The following ALKBH6 variants were observed in gnomAD, a reference collection of about 807,000 sequenced individuals.
The protein encoded by ALKBH6 is probable RNA/DNA demethylase ALKBH6.
A neutral mutation model predicts 25.1 loss-of-function variants in ALKBH6; 20 were observed. The ratio of observed to expected loss-of-function variants is 0.80; its 90% CI spans 0.56 to 1.16. The LOEUF (loss-of-function observed/expected upper bound fraction) is 1.16. ALKBH6 is among the 50% of genes most tolerant of loss of function. The probability of loss-of-function intolerance (pLI) is 0.00; values close to 1 mark genes in which losing one functional copy is unlikely to be tolerated. For synonymous variants in ALKBH6, 156 were observed against 147.5 expected, an observed-to-expected ratio of 1.06 and a Z score of -0.42; for missense variants, 263 against 326.5, an observed-to-expected ratio of 0.81 and a Z score of 1.50.
chr19:36,010,878 G>A lies in ALKBH6; in HGVS notation c.336+16C>T, dbSNP rs369899533. The A allele has an allele frequency of 7.4e-5, 120 of 1,613,952 alleles. No individual in the cohort carries two copies. In the African/African-American group the frequency reaches 7.9e-4, roughly 11 times the overall value. On this transcript the variant is annotated intron_variant, in intron 5 of 6. Transcript: ENST00000378875. This position sits in a 1 kb window ranked among gnomAD's most constrained non-coding sequence, Gnocchi z 5.5. ...AAGTCTGAGTGGGGGGACACGGGCC[G>A]AGGGTGTGTGGTTACCATGATGCCC... is the stretch of plus-strand genomic sequence containing the variant.
Position 36,013,463 on chromosome 19 carries a change from C to A in ALKBH6, c.-25-41G>T, listed in dbSNP as rs77390159. On this transcript the variant is annotated intron_variant, in intron 1 of 6. Coordinates refer to ENST00000378875, the MANE Select transcript of ALKBH6 (RefSeq NM_032878.5). The surrounding 1 kb of genome is among the most constrained non-coding windows in gnomAD (Gnocchi z 4.6). ...GACATACTGAAGTCACTAGGCCTCC[C>A]GCCCTAACACCATGATGCAGCATTC... 12 of 1,610,718 alleles carry A rather than the reference C, an allele frequency of 7.5e-6. No individual in the cohort carries two copies. Among genetic ancestry groups the A allele is most frequent in the Non-Finnish European group, 9.3e-6 (11 of 1,178,178 alleles).
Position 36,009,296 on chromosome 19 carries a change from GC to G in ALKBH6, c.710del (p.Gly237AlafsTer22). On this transcript the variant is annotated frameshift_variant, in exon 7 of 7. Coordinates refer to ENST00000378875, the MANE Select transcript of ALKBH6 (RefSeq NM_032878.5). LOFTEE classifies it high-confidence loss of function. The stretch of plus-strand genomic sequence containing the variant: ...GGGGTCCCGGCCCTGGCGGTCACTT[GC>G]CCAGCAGGAGGCCGGCGCGCAGCAC... ...PRVLRAGLLL[G>X]K 2 of 1,354,196 alleles carry G rather than the reference GC, an allele frequency of 1.5e-6. No homozygotes were observed. Among genetic ancestry groups the G allele is most frequent in the Non-Finnish European group, 1.9e-6 (2 of 1,051,918 alleles). The allele number at this position is 1,354,196 out of a possible 1,614,324, so 83.9% of individuals were successfully genotyped here.
At chr19:36,011,090 A>T (rs1485170929) in intron 4 of ALKBH6, 45 bp from the exon 5 acceptor site, 2 of 1,556,340 alleles carry the variant, frequency 1.3e-6, no homozygotes, top group Non-Finnish European at 1.7e-6. Context: ...ATAGCAATAG[A>T]TCCCCCATTA....
In ALKBH6 at chr19:36,014,186, G is replaced by A. The variant is rs1026081763; in HGVS notation, c.-37C>T. 9 of 1,609,710 alleles carry A rather than the reference G, an allele frequency of 5.6e-6. No individual in the cohort carries two copies. Among genetic ancestry groups the A allele is most frequent in the African/African-American group, 4.0e-5 (3 of 74,408 alleles). On this transcript the variant is annotated 5_prime_UTR_variant, in exon 1 of 7. In the 5' UTR this introduces an upstream ATG that the reference lacks. Coordinates refer to ENST00000378875, the MANE Select transcript of ALKBH6 (RefSeq NM_032878.5). The stretch of plus-strand genomic sequence containing the variant: ...TCCCCAAAACTGACCGTCCACCAGC[G>A]TCCCCTCCAATTTCCAAATTCAACA...
Position 36,013,103 on chromosome 19 carries a change from A to AC in ALKBH6, c.55-15dup, listed in dbSNP as rs1968660762. 1 of 1,612,050 alleles carries AC rather than the reference A, an allele frequency of 6.2e-7. No individual in the cohort carries two copies. Among genetic ancestry groups the AC allele is most frequent in the African/African-American group, 1.3e-5 (1 of 74,736 alleles). ...TACAGGTGGTGCCTAGGATAGAAAGACCCCCTGAAGGTGTGGCCCTTCAAC... is the reference window on the plus strand; with the variant it reads ...TACAGGTGGTGCCTAGGATAGAAAGACCCCCCTGAAGGTGTGGCCCTTCAAC... On this transcript the variant is annotated splice_polypyrimidine_tract_variant and intron_variant, in intron 2 of 6. Coordinates refer to ENST00000378875, the MANE Select transcript of ALKBH6 (RefSeq NM_032878.5). The surrounding 1 kb of genome is among the most constrained non-coding windows in gnomAD (Gnocchi z 4.6).
Position 36,009,125 on chromosome 19 carries a change from ATTTT to A in ALKBH6, c.*161_*164del, listed in dbSNP as rs539038224. ...AATAAAAATATAAAACCAAGGAAAG[ATTTT>A]TTTGTTTATTTGGTATGGGGTCTTC... On this transcript the variant is annotated 3_prime_UTR_variant, in exon 7 of 7. Transcript: ENST00000378875. The A allele has an allele frequency of 2.5e-6, 3 of 1,179,600 alleles. No homozygotes were observed. The highest frequency in any genetic ancestry group is 3.2e-6 in the Non-Finnish European group (3 of 940,590). 73.1% of individuals were successfully genotyped at this position (1,179,600 alleles called of 1,614,324 possible).
chr19:36,014,039 A>G (rs1205437753), intron 1 of ALKBH6, 136 bp downstream of exon 1: 19 of 1,516,902 alleles, frequency 1.3e-5, no homozygotes, highest in Non-Finnish European at 6.1e-6. Flanking sequence ...TCCCTGAACC[A>G]TTCAGATCCC....
intron 6 of ALKBH6, among the ~76,000 whole-genome samples, chr19:36,009,995 C>G (rs530349704): frequency 1.3e-5 from 2 of 152,194 alleles, no homozygotes; most frequent in African/African-American, 4.8e-5. Context: ...CCAAGGACAT[C>G]AGGACATTAG....
chr19:36,011,044 A>T lies in ALKBH6; in HGVS notation c.186T>A (p.Gly62=), dbSNP rs1247810813. The T allele has an allele frequency of 6.2e-7, 1 of 1,603,314 alleles. No individual in the cohort carries two copies. Among genetic ancestry groups the T allele is most frequent in the South Asian group, 1.1e-5 (1 of 89,740 alleles). ...CCATCCCTCGGGGATGAGGAAGCCC[A>T]CCTGGGGAAGGCAATGGGGTCCTGA... ...QLSGRKLQNW[G]GLPHPRGMVP... Residue 62 remains glycine (G), a splice_region_variant and synonymous_variant, in exon 5 of 7, where the codon GGT becomes GGA. Transcript: ENST00000378875.
At chr19:36,014,136 T>C in intron 1 of ALKBH6, 39 bp downstream of exon 1, 5 of 1,610,182 alleles carry the variant, frequency 3.1e-6, no homozygotes, top group Non-Finnish European at 4.2e-6. Flanking sequence ...TCAGCCCTAT[T>C]GACATCCATC....
At chr19:36,014,119 C>T in intron 1 of ALKBH6, 56 bp downstream of exon 1, 1 of 1,604,560 alleles carries the variant, frequency 6.2e-7, no homozygotes, top group African/African-American at 1.3e-5. Flanking sequence ...CCCCCGGATC[C>T]CCACTTTCAG....
chr19:36,011,094 C>T, intron 4 of ALKBH6, 49 bp from the exon 5 acceptor site: 1 of 1,551,476 alleles, frequency 6.4e-7, no homozygotes, highest in Non-Finnish European at 8.7e-7. Flanking sequence ...CAATAGATCC[C>T]CCATTAGGGA....
chr19:36,010,707 G>A lies in ALKBH6; in HGVS notation c.337-24C>T, dbSNP rs369612655. 6.2e-7 allele frequency: 1 copy of A among 1,607,226 alleles called. No individual in the cohort carries two copies. The highest frequency in any genetic ancestry group is 1.3e-5 in the African/African-American group (1 of 74,782). The stretch of plus-strand genomic sequence containing the variant: ...GGCTAGGGAGTGGGCACCAGGGCTG[G>A]GCAGGGCAGGAGTCCACAACCCCCA... On this transcript the variant is annotated intron_variant, in intron 5 of 6. Coordinates refer to ENST00000378875, the MANE Select transcript of ALKBH6 (RefSeq NM_032878.5). The surrounding 1 kb of genome is among the most constrained non-coding windows in gnomAD (Gnocchi z 5.5).
In ALKBH6 at chr19:36,013,916, G is replaced by A. The variant is rs112861449; in HGVS notation, c.-26+259C>T. On this transcript the variant is annotated intron_variant, in intron 1 of 6. Coordinates refer to ENST00000378875, the MANE Select transcript of ALKBH6 (RefSeq NM_032878.5). This position sits in a 1 kb window ranked among gnomAD's most constrained non-coding sequence, Gnocchi z 4.6. ...GCCTCCTCAGACATGTCCACCCTCAGCCTCCTCGGATCCCCCCATTTGGAC... is the reference window on the plus strand; with the variant it reads ...GCCTCCTCAGACATGTCCACCCTCAACCTCCTCGGATCCCCCCATTTGGAC... The A allele has an allele frequency of 1.5e-6, 2 of 1,359,218 alleles. No homozygotes were observed. Among genetic ancestry groups the A allele is most frequent in the South Asian group, 1.7e-5 (1 of 57,542 alleles). The allele number at this position is 1,359,218 out of a possible 1,614,324, so 84.2% of individuals were successfully genotyped here. A position where few individuals can be genotyped will look rare whatever the true frequency, so the allele number is the denominator to read the frequency against.
In ALKBH6 at chr19:36,013,045, T is replaced by C; in HGVS notation, c.99A>G (p.Glu33=). ...IYYVPDFISK[E]EEEYLLRQVF... ...CCTGTCGAAGCAAATACTCCTCCTC[T>C]TCTTTGGAGATGAAGTCAGGGACAT... Residue 33 remains glutamate, a synonymous_variant, in exon 3 of 7, where the codon GAA becomes GAG. Coordinates refer to ENST00000378875, the MANE Select transcript of ALKBH6 (RefSeq NM_032878.5). This position sits in a 1 kb window ranked among gnomAD's most constrained non-coding sequence, Gnocchi z 4.6. 6.2e-7 allele frequency: 1 copy of C among 1,614,028 alleles called. No homozygotes were observed. The highest frequency in any genetic ancestry group is 1.6e-4 in the Middle Eastern group (1 of 6,062).
Position 36,013,599 on chromosome 19 carries a change from T to C in ALKBH6, c.-25-177A>G. Reference sequence around the variant, plus strand: ...CCACACAGAGAGCCCCTACGTTCCATGCCCGGACACAATGAGCCCCAAGAA... The same window carrying C: ...CCACACAGAGAGCCCCTACGTTCCACGCCCGGACACAATGAGCCCCAAGAA... On this transcript the variant is annotated intron_variant, in intron 1 of 6. Transcript: ENST00000378875. This position sits in a 1 kb window ranked among gnomAD's most constrained non-coding sequence, Gnocchi z 4.6. 5 of 1,422,390 alleles carry C rather than the reference T, an allele frequency of 3.5e-6. No homozygotes were observed. The highest frequency in any genetic ancestry group is 4.6e-6 in the Non-Finnish European group (5 of 1,090,272). The allele number at this position is 1,422,390 out of a possible 1,614,324, so 88.1% of individuals were successfully genotyped here.
intron 4 of ALKBH6, 122 bp downstream of exon 4, chr19:36,011,282 C>A: frequency 7.7e-7 from 1 of 1,303,856 alleles, no homozygotes; most frequent in African/African-American, 1.5e-5. Flanking sequence ...TCAGAATCCT[C>A]CTGGCTCTTG....
chr19:36,012,933 C>A, intron 3 of ALKBH6, 88 bp downstream of exon 3: 2 of 1,341,120 alleles, frequency 1.5e-6, no homozygotes, highest in South Asian at 2.4e-5. Context: ...GTCTTCACTG[C>A]AGCCTTGGGG....
Position 36,009,310 on chromosome 19 carries a change from C to T in ALKBH6, c.697G>A (p.Gly233Ser), listed in dbSNP as rs1475647675. Residue 233 changes from glycine to serine, a missense_variant, in exon 7 of 7, where the codon GGC becomes AGC. Gly to Ser is a moderately conservative substitution (Grantham distance 56). Coordinates refer to ENST00000378875, the MANE Select transcript of ALKBH6 (RefSeq NM_032878.5). ...GGCGGTCACTTGCCCAGCAGGAGGCCGGCGCGCAGCACGCGGGGCACGCGG... is the reference window on the plus strand; with the variant it reads ...GGCGGTCACTTGCCCAGCAGGAGGCTGGCGCGCAGCACGCGGGGCACGCGG... ...IRRVPRVLRAGLLLGK is the reference protein window; with the variant it reads ...IRRVPRVLRASLLLGK 3.7e-6 allele frequency: 5 copies of T among 1,360,922 alleles called. No individual in the cohort carries two copies. Among genetic ancestry groups the T allele is most frequent in the Non-Finnish European group, 9.5e-7 (1 of 1,054,018 alleles). 84.3% of individuals were successfully genotyped at this position (1,360,922 alleles called of 1,614,324 possible).
Sources: gnomAD v4.1 joint callset for allele counts (sites outside exome capture counted in the v4.1 genomes callset) on GRCh38, gnomAD v4.1.1 for gene constraint, Gnocchi (gnomAD v3.1) non-coding constraint, MANE v1.5 for transcripts, NCBI Gene and HGNC (gene_info 2026-07-23, HGNC 2026-07-21) for gene names.